LMO7: variants seen among roughly 807,000 people sequenced by gnomAD.
LMO7 encodes the protein LIM domain only protein 7.
A neutral mutation model predicts 206.5 loss-of-function variants in LMO7; 120 were observed. The observed-to-expected ratio is 0.58, with a 90% CI of 0.50 to 0.68. The LOEUF (loss-of-function observed/expected upper bound fraction) is 0.68. Ranked by LOEUF, LMO7 falls within the 30% of genes least tolerant of loss-of-function variation. The pLI is 0.00. For missense variants in LMO7, 1,959 were observed against 1,957.9 expected (o/e 1.00, Z -0.01); for synonymous variants, 706 against 681.5 (o/e 1.04, Z -0.56).
At chr13:75,716,113 A>G (rs915145236) in intron 2 of LMO7, among the ~76,000 whole-genome samples, 5 of 152,158 alleles carry the variant, frequency 3.3e-5, no homozygotes, top group Admixed American at 2.0e-4. Flanking sequence ...AGGCATTCTC[A>G]TTCATTACCA....
At chr13:75,664,306 T>C (rs2038903633) in intron 1 of LMO7, among the ~76,000 whole-genome samples, 1 of 152,230 alleles carries the variant, frequency 6.6e-6, no homozygotes. Flanking sequence ...GCCTGGCTTA[T>C]TTCACTTAAC....
chr13:75,708,026 C>G (rs2042789695), intron 1 of LMO7, among the ~76,000 whole-genome samples: 1 of 152,094 alleles, frequency 6.6e-6, no homozygotes, highest in Non-Finnish European at 1.5e-5. Context: ...TCAGCCATGT[C>G]TATATGATGC....
chr13:75,735,749 C>G (rs1198966383), intron 3 of LMO7, among the ~76,000 whole-genome samples: 1 of 151,696 alleles, frequency 6.6e-6, no homozygotes, highest in Non-Finnish European at 1.5e-5. Context: ...GCTGGAATTA[C>G]AAGCGTGAGC....
intron 1 of LMO7, among the ~76,000 whole-genome samples, chr13:75,684,524 C>G (rs1051155390): frequency 6.9e-6 from 1 of 145,272 alleles, no homozygotes; most frequent in South Asian, 2.3e-4. Context: ...GGATTACAGG[C>G]GTGAGCCACT....
intron 3 of LMO7, among the ~76,000 whole-genome samples, chr13:75,732,105 A>G (rs565076208): frequency 4.6e-5 from 7 of 151,906 alleles, no homozygotes; most frequent in South Asian, 4.2e-4. Context: ...TATGTGTCTT[A>G]GAGTTGCTCT....
Position 75,796,680 on chromosome 13 carries a change from C to T in LMO7, c.393C>T (p.Asn131=), listed in dbSNP as rs745639231. 3 of 1,613,458 alleles carry T rather than the reference C, an allele frequency of 1.9e-6. No individual in the cohort carries two copies. Among genetic ancestry groups the T allele is most frequent in the South Asian group, 2.2e-5 (2 of 91,046 alleles). ...GGCTGGGAAGAAAAGCACAAAGCAA[C>T]CCGTACTATAATGGTCCCCATCTTA... ...LYWLGRKAQS[N]PYYNGPHLNL... The change falls in exon 6 of 31, where the codon AAC becomes AAT. Residue 131 remains asparagine, a synonymous_variant. Coordinates refer to ENST00000377534, the MANE Select transcript of LMO7 (RefSeq NM_001306080.2).
rs572983227 is a variant in LMO7, at chr13:75,710,706, G to A, written c.70-2476G>A. 2.6e-3 allele frequency among the ~76,000 whole-genome samples: 388 copies of A among 151,574 alleles called. 2 individuals carry two copies. Among genetic ancestry groups the A allele is most frequent in the East Asian group, 0.021 (110 of 5,164 alleles). On this transcript the variant is annotated intron_variant, in intron 1 of 30. Transcript: ENST00000377534. ...GCTTAAGGAGATTTTGGGCTGAGAT[G>A]ATGGGGTTTTCTAGATATACAATCA...
rs137941539 is a variant in LMO7 at position 75,841,779 on chromosome 13, A to G, written c.3827A>G (p.Glu1276Gly). 9.3e-6 allele frequency: 15 copies of G among 1,614,102 alleles called. No homozygotes were observed. The highest frequency in any genetic ancestry group is 1.3e-5 in the Non-Finnish European group (15 of 1,180,010). ...GAGGAGAGGAGACAGCCACAAGAGG[A>G]AGTTGTTCATGAGGACCAAGGAAAG... ...GEEERRQPQE[E>G]VVHEDQGKKP... Residue 1276 changes from glutamate (E) to glycine (G), a missense_variant, in exon 24 of 31, where the codon GAA becomes GGA. Transcript: ENST00000377534.
At chr13:75,753,161 G>T (rs879207276) in intron 3 of LMO7, among the ~76,000 whole-genome samples, 1 of 152,074 alleles carries the variant, frequency 6.6e-6, no homozygotes, top group African/African-American at 2.4e-5. Context: ...GTTTTAATTT[G>T]CATTTCTCTG....
At position 75,819,396 on chromosome 13, in the gene LMO7, CT is replaced by C; in HGVS notation, c.2070del (p.Ala691GlnfsTer77). 1 of 1,601,916 alleles carries C rather than the reference CT, an allele frequency of 6.2e-7. No homozygotes were observed. Among genetic ancestry groups the C allele is most frequent in the Non-Finnish European group, 8.5e-7 (1 of 1,176,050 alleles). On this transcript the variant is annotated frameshift_variant, in exon 13 of 31. Coordinates refer to ENST00000377534, the MANE Select transcript of LMO7 (RefSeq NM_001306080.2). LOFTEE classifies it high-confidence loss of function. ...KEQDQKWQDD[L>X]AKWKDRRKSY... ...GCTGATGTGATTTTTCTGTCAGGAC[CT>C]TGCAAAATGGAAAGATCGTCGAAAA...
chr13:75,639,029 C>T (rs1459492085), intron 1 of LMO7, among the ~76,000 whole-genome samples: 1 of 151,990 alleles, frequency 6.6e-6, no homozygotes, highest in African/African-American at 2.4e-5. Flanking sequence ...TATGTTCTAT[C>T]TGTATTACAT....
intron 1 of LMO7, 147 bp from the exon 2 acceptor site, chr13:75,713,035 A>G (rs1387080130): frequency 1.8e-5 from 9 of 500,838 alleles, no homozygotes; most frequent in African/African-American, 1.3e-4. Flanking sequence ...ACATATTCCT[A>G]TAAGGAACAG....
intron 2 of LMO7, among the ~76,000 whole-genome samples, chr13:75,718,057 G>T (rs1437955518): frequency 6.6e-6 from 1 of 152,216 alleles, no homozygotes; most frequent in Non-Finnish European, 1.5e-5. Flanking sequence ...TCATAAAAAT[G>T]AATGTAAAAA....
At chr13:75,834,512 G>A (rs551259491) in intron 17 of LMO7, 125 bp downstream of exon 17, 112 of 690,366 alleles carry the variant, frequency 1.6e-4, no homozygotes, top group Non-Finnish European at 1.5e-4. Context: ...AAAGGTTTTT[G>A]TAGTTACGTC....
intron 13 of LMO7, among the ~76,000 whole-genome samples, chr13:75,819,742 A>G (rs993917446): frequency 6.6e-6 from 1 of 152,210 alleles, no homozygotes; most frequent in Admixed American, 6.5e-5. Flanking sequence ...AACAAAATAA[A>G]TGAGGACTTA....
At chr13:75,799,278 G>T (rs1428931516) in intron 6 of LMO7, among the ~76,000 whole-genome samples, 2 of 152,138 alleles carry the variant, frequency 1.3e-5, no homozygotes, top group East Asian at 1.9e-4. Flanking sequence ...TTTTTCATAA[G>T]TTGAAAATAT....
At chr13:75,835,390 A>G in intron 18 of LMO7, 51 bp downstream of exon 18, 2 of 1,173,596 alleles carry the variant, frequency 1.7e-6, no homozygotes, top group Non-Finnish European at 2.4e-6. Context: ...AGCAGCTGTT[A>G]GAATTGTGTA....
intron 12 of LMO7, 90 bp from the exon 13 acceptor site, chr13:75,819,303 G>A: frequency 7.1e-7 from 1 of 1,406,790 alleles, no homozygotes; most frequent in Non-Finnish European, 9.4e-7. Flanking sequence ...TAGTTTCAGT[G>A]ATGTAATAAG....
At chr13:75,623,507 G>C (rs2033614409) in intron 2 of LMO7, among the ~76,000 whole-genome samples, 1 of 151,852 alleles carries the variant, frequency 6.6e-6, no homozygotes, top group African/African-American at 2.4e-5. Flanking sequence ...GGGATTACAG[G>C]TGTATGCCAC....
Sources: allele counts gnomAD v4.1 joint callset (sites outside exome capture counted in the v4.1 genomes callset), GRCh38; gene constraint gnomAD v4.1.1; transcripts MANE v1.5; gene names NCBI Gene and HGNC (gene_info 2026-07-23, HGNC 2026-07-21).